The following CPEB4 variants were observed in gnomAD, a reference collection of about 807,000 sequenced individuals.
CPEB4 encodes cytoplasmic polyadenylation element binding protein 4, also known as cytoplasmic polyadenylation element-binding protein 4.
In CPEB4, 12 loss-of-function variants were observed where a neutral mutation model predicts 72.5. That is an observed-to-expected ratio of 0.17 (90% confidence interval 0.11 to 0.27). CPEB4 has a LOEUF of 0.27. CPEB4 is among the 10% of genes least tolerant of loss of function. CPEB4 has a pLI of 1.00. For missense variants in CPEB4, 614 were observed against 908.5 expected (o/e 0.68, Z 4.17); for synonymous variants, 302 against 326.3 (o/e 0.93, Z 0.80).
At chr5:173,894,436 C>T (rs1755928169) in intron 1 of CPEB4, among the ~76,000 whole-genome samples, 1 of 151,844 alleles carries the variant, frequency 6.6e-6, no homozygotes, top group Non-Finnish European at 1.5e-5. Context: ...GCTTGGCCAA[C>T]ATGGTGAAAC....
rs757350158 is a variant in CPEB4, at chr5:173,943,055, A to G, written c.1282+6A>G. On this transcript the variant is annotated splice_donor_region_variant and intron_variant, in intron 4 of 9. Coordinates refer to ENST00000265085, the MANE Select transcript of CPEB4 (RefSeq NM_030627.4). ...GACATATGGGCGAAGGAGAGGTAAC[A>G]TTGTTTTTAACTTTTAAATGTATCA... The G allele has an allele frequency of 5.3e-5, 86 of 1,611,288 alleles. No homozygotes were observed. Among genetic ancestry groups the G allele is most frequent in the Non-Finnish European group, 7.0e-5 (83 of 1,178,840 alleles).
rs1758366590 is a variant in CPEB4, at chr5:173,956,044, T to G, written c.2097T>G (p.Ala699=). The G allele has an allele frequency of 6.2e-7, 1 of 1,614,092 alleles. No homozygotes were observed. Among genetic ancestry groups the G allele is most frequent in the African/African-American group, 1.3e-5 (1 of 74,936 alleles). The change falls in exon 10 of 10, where the codon GCT becomes GCG. Residue 699 remains alanine, a synonymous_variant. Transcript: ENST00000265085. ...AGTATTACTGTGAATATTGCTGGGC[T>G]GCTATCCATTCTCGTGCTGGCAGGG... ...CLQYYCEYCW[A]AIHSRAGREF...
chr5:173,892,258 T>G (rs1561602262), intron 1 of CPEB4, among the ~76,000 whole-genome samples: 1 of 144,072 alleles, frequency 6.9e-6, no homozygotes, highest in Non-Finnish European at 1.5e-5. Flanking sequence ...TATTTAGTTT[T>G]CGACTTCTAA....
chr5:173,944,230 A>G (rs887248547), intron 4 of CPEB4, among the ~76,000 whole-genome samples: 2 of 152,192 alleles, frequency 1.3e-5, no homozygotes, highest in African/African-American at 4.8e-5. Flanking sequence ...AGACTACACA[A>G]TGAAGTTGGA....
At position 173,955,450 on chromosome 5, in the gene CPEB4, G is replaced by A. The variant is rs919704712; in HGVS notation, c.1963-460G>A. Among the ~76,000 whole-genome samples, 16 of 151,940 alleles carry A rather than the reference G, an allele frequency of 1.1e-4. No individual in the cohort carries two copies. The South Asian group carries it at 2.3e-3, about 22-fold the overall frequency. On this transcript the variant is annotated intron_variant, in intron 9 of 9. Transcript: ENST00000265085. This position sits in a 1 kb window ranked among gnomAD's most constrained non-coding sequence, Gnocchi z 4.7. ...TTACGACAGCTCAGAATCTTGTGAC[G>A]CAGTAGTCAGGCATCTTCACACCAA...
intron 1 of CPEB4, among the ~76,000 whole-genome samples, chr5:173,892,076 G>A (rs1755833321): frequency 1.3e-5 from 2 of 152,004 alleles, no homozygotes; most frequent in African/African-American, 4.8e-5. Flanking sequence ...TTCTGCAAAG[G>A]CTGAAACAGA....
intron 2 of CPEB4, among the ~76,000 whole-genome samples, chr5:173,920,955 A>T (rs1757051416): frequency 6.6e-6 from 1 of 152,166 alleles, no homozygotes; most frequent in Non-Finnish European, 1.5e-5. Flanking sequence ...AGTTGTTTAA[A>T]CTTGGCCTCG....
At position 173,901,518 on chromosome 5, in the gene CPEB4, C is replaced by T. The variant is rs548302940; in HGVS notation, c.1126-9005C>T. On this transcript the variant is annotated intron_variant, in intron 1 of 9. Coordinates refer to ENST00000265085, the MANE Select transcript of CPEB4 (RefSeq NM_030627.4). ...ATGCTCGTTGTCTTCATTCAGGCCACGTATATATAGTGAAGGATTTCATAC... is the reference window on the plus strand; with the variant it reads ...ATGCTCGTTGTCTTCATTCAGGCCATGTATATATAGTGAAGGATTTCATAC... Among the ~76,000 whole-genome samples, 163 of 152,266 alleles carry T rather than the reference C, an allele frequency of 1.1e-3. 3 individuals are homozygous for T. The South Asian group carries it at 0.029, about 27-fold the overall frequency.
intron 1 of CPEB4, among the ~76,000 whole-genome samples, chr5:173,897,597 T>C (rs1307074942): frequency 2.0e-5 from 3 of 152,180 alleles, no homozygotes; most frequent in Non-Finnish European, 4.4e-5. Context: ...TTAAATATTA[T>C]AAACAAATTA....
At chr5:173,927,278 G>T (rs137907719) in intron 2 of CPEB4, among the ~76,000 whole-genome samples, 2 of 152,128 alleles carry the variant, frequency 1.3e-5, no homozygotes, top group African/African-American at 2.4e-5. Context: ...TGAAATACTG[G>T]TGTTTTGAGT....
intron 3 of CPEB4, among the ~76,000 whole-genome samples, chr5:173,939,686 G>T (rs1757760418): frequency 6.6e-6 from 1 of 150,866 alleles, no homozygotes; most frequent in African/African-American, 2.4e-5. Flanking sequence ...TAGAAATAAA[G>T]TATATCAATA....
At position 173,957,554 on chromosome 5, in the gene CPEB4, T is replaced by G. The variant is rs1387947874; in HGVS notation, c.*1417T>G. 1 of 152,814 alleles carries G rather than the reference T, an allele frequency of 6.5e-6. No homozygotes were observed. Among genetic ancestry groups the G allele is most frequent in the Non-Finnish European group, 1.5e-5 (1 of 68,050 alleles). The allele number at this position is 152,814 out of a possible 1,614,324, so 9.5% of individuals were successfully genotyped here. ...GAAAGGCGTTATGTGTTGAACAGTA[T>G]GCTTCAGGGGTAAATTTAAAATAGT... On this transcript the variant is annotated 3_prime_UTR_variant, in exon 10 of 10. Coordinates refer to ENST00000265085, the MANE Select transcript of CPEB4 (RefSeq NM_030627.4).
intron 1 of CPEB4, among the ~76,000 whole-genome samples, chr5:173,901,658 G>A (rs1409462556): frequency 6.6e-6 from 1 of 152,194 alleles, no homozygotes; most frequent in Admixed American, 6.5e-5. Flanking sequence ...TGACTTTGTA[G>A]GGCAATTAGT....
chr5:173,932,579 T>G, intron 3 of CPEB4, 79 bp downstream of exon 3: 1 of 1,097,570 alleles, frequency 9.1e-7, no homozygotes, highest in East Asian at 2.4e-5. Context: ...AGAAATGACA[T>G]TAGTTTGTTC....
At chr5:173,948,735 G>A (rs1203155564) in intron 5 of CPEB4, among the ~76,000 whole-genome samples, 1 of 152,068 alleles carries the variant, frequency 6.6e-6, no homozygotes, top group East Asian at 1.9e-4. Flanking sequence ...CAAGATCAAG[G>A]TGCCAGCAAA....
At chr5:173,937,319 A>G (rs1757664662) in intron 3 of CPEB4, among the ~76,000 whole-genome samples, 1 of 152,172 alleles carries the variant, frequency 6.6e-6, no homozygotes, top group Admixed American at 6.6e-5. Flanking sequence ...CTGGGATTAC[A>G]GGTGTGAGTC....
At chr5:173,939,501 A>G (rs907420193) in intron 3 of CPEB4, among the ~76,000 whole-genome samples, 1 of 152,204 alleles carries the variant, frequency 6.6e-6, no homozygotes, top group African/African-American at 2.4e-5. Context: ...TATTTTTATA[A>G]TAAAATGTAT....
At position 173,900,659 on chromosome 5, in the gene CPEB4, A is replaced by T. The variant is rs1315474322; in HGVS notation, c.1125+9801A>T. ...TCATAGGTTTGAACATATTTTGATT[A>T]TCTCTATGAAAACAGGTTATAGAAA... On this transcript the variant is annotated intron_variant, in intron 1 of 9. Coordinates refer to ENST00000265085, the MANE Select transcript of CPEB4 (RefSeq NM_030627.4). This position sits in a 1 kb window ranked among gnomAD's most constrained non-coding sequence, Gnocchi z 4.4. 1.3e-5 allele frequency among the ~76,000 whole-genome samples: 2 copies of T among 152,244 alleles called. No individual in the cohort carries two copies. The highest frequency in any genetic ancestry group is 2.4e-5 in the African/African-American group (1 of 41,470).
At chr5:173,897,050 C>G (rs1190678300) in intron 1 of CPEB4, among the ~76,000 whole-genome samples, 1 of 152,082 alleles carries the variant, frequency 6.6e-6, no homozygotes, top group African/African-American at 2.4e-5. Context: ...AAATTAGTTA[C>G]AAATATAGCT....
Sources: allele counts gnomAD v4.1 joint callset (sites outside exome capture counted in the v4.1 genomes callset), GRCh38; gene constraint gnomAD v4.1.1; non-coding constraint Gnocchi (gnomAD v3.1); transcripts MANE v1.5; gene names NCBI Gene and HGNC (gene_info 2026-07-23, HGNC 2026-07-21).